Variants in ADAMTS19 observed in about 807,000 individuals in gnomAD.
ADAMTS19 encodes A disintegrin and metalloproteinase with thrombospondin motifs 19.
ADAMTS19 carries 93 observed loss-of-function variants against 153.3 expected under a neutral mutation model. That is an observed-to-expected ratio of 0.61 (90% CI 0.51 to 0.72). The LOEUF is 0.72. Among genes scored for constraint, ADAMTS19 ranks in the 30% least tolerant of loss-of-function variants. ADAMTS19 has a pLI of 0.00. For synonymous variants in ADAMTS19, 600 were observed against 556.6 expected (o/e 1.08, Z -1.10); for missense variants, 1,482 against 1,552.1 (o/e 0.95, Z 0.76).
At chr5:129,725,117 C>T (rs952893312) in intron 21 of ADAMTS19, among the ~76,000 whole-genome samples, 3 of 152,074 alleles carry the variant, frequency 2.0e-5, no homozygotes, top group African/African-American at 7.2e-5. Flanking sequence ...TTACTAAGGA[C>T]TCTCTGACTC....
intron 8 of ADAMTS19, among the ~76,000 whole-genome samples, chr5:129,617,453 C>G (rs955439924): frequency 2.6e-5 from 4 of 152,084 alleles, no homozygotes; most frequent in Non-Finnish European, 5.9e-5. Context: ...AGCAATCCCT[C>G]TCCTTCCCTC....
At chr5:129,585,443 CT>C (rs1233621452) in intron 7 of ADAMTS19, among the ~76,000 whole-genome samples, 1 of 151,804 alleles carries the variant, frequency 6.6e-6, no homozygotes, top group African/African-American at 2.4e-5. Context: ...TTAATGTGTT[CT>C]TTTTTGTAAT....
chr5:129,523,661 G>A (rs1375861895), intron 3 of ADAMTS19, among the ~76,000 whole-genome samples: 3 of 152,146 alleles, frequency 2.0e-5, no homozygotes, highest in African/African-American at 2.4e-5. Context: ...TGCAGAAACA[G>A]TATGTTCAAC....
intron 15 of ADAMTS19, among the ~76,000 whole-genome samples, chr5:129,659,991 T>C (rs1395054029): frequency 1.3e-5 from 2 of 152,302 alleles, no homozygotes; most frequent in Admixed American, 1.3e-4. Context: ...GCCTAATATA[T>C]GAATTAATTT....
At chr5:129,714,653 G>A (rs550517065) in intron 21 of ADAMTS19, among the ~76,000 whole-genome samples, 3 of 151,996 alleles carry the variant, frequency 2.0e-5, no homozygotes, top group African/African-American at 4.8e-5. Flanking sequence ...TTGCGTTCAC[G>A]TATCTCTTTC....
At chr5:129,684,686 T>C (rs575780062) in intron 18 of ADAMTS19, among the ~76,000 whole-genome samples, 3 of 151,990 alleles carry the variant, frequency 2.0e-5, no homozygotes. Context: ...CAGACCTGAA[T>C]TGAATATAAG....
intron 15 of ADAMTS19, among the ~76,000 whole-genome samples, chr5:129,660,282 A>AAAAT (rs906516658): frequency 6.6e-6 from 1 of 152,162 alleles, no homozygotes; most frequent in Non-Finnish European, 1.5e-5. Context: ...TCCTTTAGAA[A>AAAAT]AAATAAATAA....
rs551863102 is a variant in ADAMTS19 at position 129,645,927 on chromosome 5, C to T, written c.1873-1838C>T. 2.6e-3 allele frequency among the ~76,000 whole-genome samples: 249 copies of T among 95,052 alleles called. 1 individual carries two copies. Among genetic ancestry groups the T allele is most frequent in the Non-Finnish European group, 3.5e-3 (166 of 47,738 alleles). 62.4% of individuals were successfully genotyped at this position (95,052 alleles called of 152,430 possible). On this transcript the variant is annotated intron_variant, in intron 11 of 22. Coordinates refer to ENST00000274487, the MANE Select transcript of ADAMTS19 (RefSeq NM_133638.6). Reference sequence around the variant, plus strand: ...TTTTTGAGACGGAGTCTCGCTCTGTCGCCCAGGCTGGAGTGCAGTGGCGGG... The same window carrying T: ...TTTTTGAGACGGAGTCTCGCTCTGTTGCCCAGGCTGGAGTGCAGTGGCGGG...
At chr5:129,544,866 A>G (rs1752797835) in intron 6 of ADAMTS19, among the ~76,000 whole-genome samples, 1 of 152,046 alleles carries the variant, frequency 6.6e-6, no homozygotes, top group Admixed American at 6.6e-5. Context: ...CTCATCCATC[A>G]CCCCAGGTTA....
At chr5:129,661,770 T>C (rs937351569) in intron 15 of ADAMTS19, among the ~76,000 whole-genome samples, 9 of 152,170 alleles carry the variant, frequency 5.9e-5, no homozygotes, top group African/African-American at 1.9e-4. Flanking sequence ...AACCAGTAAA[T>C]ACTAAGAAGA....
chr5:129,586,944 T>G (rs1209622181), intron 7 of ADAMTS19, among the ~76,000 whole-genome samples: 1 of 152,228 alleles, frequency 6.6e-6, no homozygotes, highest in African/African-American at 2.4e-5. Context: ...GTCTGTTTCC[T>G]CTAAGATTCA....
intron 10 of ADAMTS19, among the ~76,000 whole-genome samples, chr5:129,638,310 T>C (rs1041087556): frequency 2.6e-5 from 4 of 152,292 alleles, no homozygotes; most frequent in Non-Finnish European, 4.4e-5. Flanking sequence ...GGTTTCACTT[T>C]AGTAAATTTT....
chr5:129,663,323 C>G (rs1753900881), intron 15 of ADAMTS19, among the ~76,000 whole-genome samples: 1 of 152,158 alleles, frequency 6.6e-6, no homozygotes, highest in Non-Finnish European at 1.5e-5. Context: ...CTTGGTGATT[C>G]TGCAAGGATA....
chr5:129,487,070 A>C (rs1399544643), intron 2 of ADAMTS19, among the ~76,000 whole-genome samples: 2 of 152,218 alleles, frequency 1.3e-5, no homozygotes, highest in African/African-American at 2.4e-5. Flanking sequence ...TGAATGAGAA[A>C]TGTTTTCCAA....
intron 7 of ADAMTS19, among the ~76,000 whole-genome samples, chr5:129,580,733 AT>A (rs1414082827): frequency 6.6e-6 from 1 of 152,122 alleles, no homozygotes; most frequent in Non-Finnish European, 1.5e-5. Context: ...GATGGATTAC[AT>A]TTACTGATTT....
At chr5:129,563,205 A>G (rs535207787) in intron 7 of ADAMTS19, among the ~76,000 whole-genome samples, 1 of 151,812 alleles carries the variant, frequency 6.6e-6, no homozygotes, top group East Asian at 1.9e-4. Flanking sequence ...TTAAACAGCA[A>G]TTTGGCATTT....
chr5:129,593,971 G>T (rs933574163), intron 7 of ADAMTS19, among the ~76,000 whole-genome samples: 2 of 151,936 alleles, frequency 1.3e-5, no homozygotes, highest in East Asian at 3.9e-4. Flanking sequence ...AAATAATGTT[G>T]CCTCCTTCTT....
At chr5:129,684,973 C>T (rs1033735434) in intron 18 of ADAMTS19, among the ~76,000 whole-genome samples, 1 of 139,152 alleles carries the variant, frequency 7.2e-6, no homozygotes, top group Non-Finnish European at 1.5e-5. Context: ...AGTGGCAAAG[C>T]GAAACTCCAT....
chr5:129,568,219 A>T (rs1299965159), intron 7 of ADAMTS19, among the ~76,000 whole-genome samples: 1 of 152,182 alleles, frequency 6.6e-6, no homozygotes, highest in Non-Finnish European at 1.5e-5. Context: ...GAAATGACAA[A>T]TATCTGGATA....
Sources: allele counts gnomAD v4.1 joint callset (sites outside exome capture counted in the v4.1 genomes callset), GRCh38; gene constraint gnomAD v4.1.1; transcripts MANE v1.5; gene names NCBI Gene and HGNC (gene_info 2026-07-23, HGNC 2026-07-21).